The following ZCCHC14 variants were observed in gnomAD, a reference collection of about 807,000 sequenced individuals.
The protein encoded by ZCCHC14 is zinc finger CCHC domain-containing protein 14.
In ZCCHC14, 16 loss-of-function variants were observed where a neutral mutation model predicts 85.0. The ratio of observed to expected loss-of-function variants is 0.19; its 90% CI spans 0.13 to 0.29. The LOEUF (loss-of-function observed/expected upper bound fraction) is 0.29. Ranked by LOEUF, ZCCHC14 falls within the 10% of genes least tolerant of loss-of-function variation. The pLI is 1.00. For synonymous variants in ZCCHC14, 775 were observed against 630.7 expected (o/e 1.23, Z -3.43); for missense variants, 1,303 against 1,443.5 (o/e 0.90, Z 1.58).
At chr16:87,490,039 C>A (rs1912682061) in intron 1 of ZCCHC14, among the ~76,000 whole-genome samples, 1 of 152,178 alleles carries the variant, frequency 6.6e-6, no homozygotes, top group Non-Finnish European at 1.5e-5. Flanking sequence ...CTATAAACAA[C>A]TACATTTCCT....
intron 2 of ZCCHC14, among the ~76,000 whole-genome samples, chr16:87,452,292 T>C (rs1328955430): frequency 6.6e-6 from 1 of 152,108 alleles, no homozygotes; most frequent in African/African-American, 2.4e-5. Context: ...GGGAACCATG[T>C]TGAGGGCAGG....
rs971723815 is a variant in ZCCHC14 at position 87,434,076 on chromosome 16, C to T, written c.695-875G>A. Among the ~76,000 whole-genome samples, 13 of 152,292 alleles carry T rather than the reference C, an allele frequency of 8.5e-5. No individual in the cohort carries two copies. In the East Asian group the frequency reaches 2.1e-3, roughly 25 times the overall value. ...AGCCGGGCTGCAGTGAATGAAGCTG[C>T]ACGGGATGGACAGCCAGAGGGATGA... On this transcript the variant is annotated intron_variant, in intron 2 of 12. Coordinates refer to ENST00000671377, the MANE Select transcript of ZCCHC14 (RefSeq NM_015144.3).
intron 8 of ZCCHC14, among the ~76,000 whole-genome samples, chr16:87,416,952 T>C (rs544256493): frequency 3.2e-4 from 48 of 152,326 alleles, no homozygotes; most frequent in South Asian, 6.2e-4. Context: ...AAATACCTTG[T>C]ATGGGTTTAA....
intron 2 of ZCCHC14, among the ~76,000 whole-genome samples, chr16:87,451,046 G>A (rs547423535): frequency 5.3e-5 from 8 of 151,682 alleles, no homozygotes; most frequent in African/African-American, 1.5e-4. Context: ...TTACAGGTGC[G>A]TGCCACCATG....
rs1452656884 is a variant in ZCCHC14 at position 87,434,381 on chromosome 16, G to A, written c.695-1180C>T. 3.9e-5 allele frequency among the ~76,000 whole-genome samples: 6 copies of A among 152,182 alleles called. 1 individual carries two copies. The highest frequency in any genetic ancestry group is 1.2e-4 in the African/African-American group (5 of 41,516). On this transcript the variant is annotated intron_variant, in intron 2 of 12. Transcript: ENST00000671377. ...CTGCCAGCTTCCACACTTCCCAGGCGCCAGGAGCCCCACGCCGAGCTTTAC... is the reference window on the plus strand; with the variant it reads ...CTGCCAGCTTCCACACTTCCCAGGCACCAGGAGCCCCACGCCGAGCTTTAC...
At chr16:87,415,211 A>G in intron 9 of ZCCHC14, 65 bp downstream of exon 9, 1 of 1,467,678 alleles carries the variant, frequency 6.8e-7, no homozygotes. Context: ...TGGAAGCCTC[A>G]GCACTCCATT....
At position 87,427,939 on chromosome 16, in the gene ZCCHC14, ATT is replaced by A. The variant is rs34933427; in HGVS notation, c.769-4060_769-4059del. ...TGAGCCACTGCACCTGGCCTCTATG[ATT>A]TTTTTTTTTTTTTTTTTTAAGAGAC... On this transcript the variant is annotated intron_variant, in intron 3 of 12. Transcript: ENST00000671377. Among the ~76,000 whole-genome samples, 1,283 of 137,078 alleles carry A rather than the reference ATT, an allele frequency of 9.4e-3. 1 individual carries two copies. The highest frequency in any genetic ancestry group is 0.014 in the Middle Eastern group (4 of 278). The allele number at this position is 137,078 out of a possible 152,430, so 89.9% of individuals were successfully genotyped here.
chr16:87,424,344 G>A (rs1909258340), intron 3 of ZCCHC14, among the ~76,000 whole-genome samples: 1 of 152,202 alleles, frequency 6.6e-6, no homozygotes, highest in African/African-American at 2.4e-5. Context: ...CCCAGGCCCT[G>A]CTCTCAGGAC....
intron 1 of ZCCHC14, among the ~76,000 whole-genome samples, chr16:87,490,114 T>C (rs1472886126): frequency 1.3e-5 from 2 of 152,080 alleles, no homozygotes; most frequent in Non-Finnish European, 2.9e-5. Flanking sequence ...AAGAAAACTA[T>C]AGTCTTGGAG....
Position 87,491,700 on chromosome 16 carries a change from C to A in ZCCHC14, c.539G>T (p.Gly180Val). Reference protein sequence around the residue: ...HGGKGAPGPGGALPTCPACHK... With the variant: ...HGGKGAPGPGVALPTCPACHK... ...GCAGGCTGGGCAAGTGGGCAGCGCG[C>A]CGCCCGGCCCGGGCGCGCCCTTGCC... The change falls in exon 1 of 13, where the codon GGC becomes GTC. Residue 180 changes from glycine (G) to valine (V), a missense_variant. By Grantham distance (109) the Gly-to-Val change is moderately radical. Coordinates refer to ENST00000671377, the MANE Select transcript of ZCCHC14 (RefSeq NM_015144.3). The surrounding 1 kb of genome is among the most constrained non-coding windows in gnomAD (Gnocchi z 5.9). 1.4e-6 allele frequency: 2 copies of A among 1,462,142 alleles called. No homozygotes were observed. The highest frequency in any genetic ancestry group is 1.8e-6 in the Non-Finnish European group (2 of 1,114,748). 90.6% of individuals were successfully genotyped at this position (1,462,142 alleles called of 1,614,324 possible). A position where few individuals can be genotyped will look rare whatever the true frequency, so the allele number is the denominator to read the frequency against.
At chr16:87,490,168 A>G (rs1428395271) in intron 1 of ZCCHC14, among the ~76,000 whole-genome samples, 3 of 152,238 alleles carry the variant, frequency 2.0e-5, no homozygotes, top group Non-Finnish European at 4.4e-5. Context: ...AAACCGATGT[A>G]TGTACTACAA....
At chr16:87,477,147 C>A (rs112547147) in intron 1 of ZCCHC14, among the ~76,000 whole-genome samples, 9,167 of 76,428 alleles carry the variant, frequency 0.12, 1,465 homozygotes, top group African/African-American at 0.4. Flanking sequence ...AAAAACAAAA[C>A]AAAACCAAAA....
At chr16:87,465,361 C>T (rs1234913483) in intron 1 of ZCCHC14, among the ~76,000 whole-genome samples, 1 of 152,256 alleles carries the variant, frequency 6.6e-6, no homozygotes, top group African/African-American at 2.4e-5. Flanking sequence ...GAAAGCACTT[C>T]TATTTCAAAC....
At chr16:87,476,206 C>A (rs1011706914) in intron 1 of ZCCHC14, among the ~76,000 whole-genome samples, 3 of 152,122 alleles carry the variant, frequency 2.0e-5, no homozygotes, top group African/African-American at 7.2e-5. Flanking sequence ...CACCTACACT[C>A]CCGAAAATAC....
chr16:87,435,241 C>G lies in ZCCHC14; in HGVS notation c.695-2040G>C, dbSNP rs527741101. Reference sequence around the variant, plus strand: ...TTCTAAGCCTGCACTGCCCAAATCACCCGTGGCAAGTTAAGTTAATTAAGA... The same window carrying G: ...TTCTAAGCCTGCACTGCCCAAATCAGCCGTGGCAAGTTAAGTTAATTAAGA... On this transcript the variant is annotated intron_variant, in intron 2 of 12. Transcript: ENST00000671377. Among the ~76,000 whole-genome samples the G allele has an allele frequency of 3.3e-5, 5 of 152,266 alleles. No homozygotes were observed. In the South Asian group the frequency reaches 1.0e-3, roughly 32 times the overall value.
rs1269275005 is a variant in ZCCHC14, at chr16:87,417,597, C to G, written c.1246G>C (p.Asp416His). 6.2e-7 allele frequency: 1 copy of G among 1,614,248 alleles called. No homozygotes were observed. Among genetic ancestry groups the G allele is most frequent in the Admixed American group, 1.7e-5 (1 of 60,030 alleles). The change falls in exon 8 of 13, where the codon GAC becomes CAC. Residue 416 changes from aspartate to histidine, a missense_variant. By Grantham distance (81) the Asp-to-His change is moderately conservative (BLOSUM62 -1). This residue lies in a region of ZCCHC14 where 389 missense variants were observed against 397.8 expected (regional missense o/e 0.98). Transcript: ENST00000671377. ...GSALAYRTQM[D>H]TSPAILMPSS... ...GGCATGAGGATGGCAGGTGATGTGT[C>G]CATCTGGGTCCGGTAGGCCAGGGCT...
intron 2 of ZCCHC14, among the ~76,000 whole-genome samples, chr16:87,437,527 T>G (rs1040000407): frequency 1.3e-5 from 2 of 152,162 alleles, no homozygotes; most frequent in African/African-American, 4.8e-5. Flanking sequence ...GAGGAGGCTC[T>G]GCTGGAGCAC....
At chr16:87,414,641 T>TGATACAGGGCGACTTC (rs1281469502) in intron 9 of ZCCHC14, 100 bp from the exon 10 acceptor site, 2 of 1,472,736 alleles carry the variant, frequency 1.4e-6, no homozygotes, top group African/African-American at 1.4e-5. Context: ...AGGGCGGCTT[T>TGATACAGGGCGACTTC]GATACAGGGC....
chr16:87,483,105 A>C (rs1912360697), intron 1 of ZCCHC14, among the ~76,000 whole-genome samples: 2 of 151,942 alleles, frequency 1.3e-5, no homozygotes, highest in South Asian at 4.1e-4. Flanking sequence ...AAAACCCAGA[A>C]AACAAATACA....
Sources: allele counts gnomAD v4.1 joint callset (sites outside exome capture counted in the v4.1 genomes callset), GRCh38; gene constraint gnomAD v4.1.1; regional missense constraint gnomAD v4.1.1; non-coding constraint Gnocchi (gnomAD v3.1); transcripts MANE v1.5; gene names NCBI Gene and HGNC (gene_info 2026-07-23, HGNC 2026-07-21).